HACE1: variants seen among roughly 807,000 people sequenced by gnomAD.
The protein encoded by HACE1 is HECT domain and ankyrin repeat containing E3 ubiquitin protein ligase 1, also known as E3 ubiquitin-protein ligase HACE1.
In HACE1, 73 loss-of-function variants were observed where a neutral mutation model predicts 118.4. The observed-to-expected ratio is 0.62, with a 90% CI of 0.51 to 0.75. The LOEUF is 0.75. HACE1 is among the 30% of genes least tolerant of loss of function. The probability of loss-of-function intolerance (pLI) is 0.00; values close to 1 mark genes in which losing one functional copy is unlikely to be tolerated. For missense variants in HACE1, 749 were observed against 1,102.2 expected, an observed-to-expected ratio of 0.68 and a Z score of 4.54; for synonymous variants, 368 against 374.8, an observed-to-expected ratio of 0.98 and a Z score of 0.21.
At chr6:104,855,060 C>T (rs1776584949) in intron 1 of HACE1, among the ~76,000 whole-genome samples, 1 of 152,158 alleles carries the variant, frequency 6.6e-6, no homozygotes, top group Non-Finnish European at 1.5e-5. Flanking sequence ...GTACTATTAT[C>T]CTCATTTTAC....
At chr6:104,806,331 G>A (rs1227258978) in intron 7 of HACE1, among the ~76,000 whole-genome samples, 3 of 152,068 alleles carry the variant, frequency 2.0e-5, no homozygotes, top group African/African-American at 7.2e-5. Flanking sequence ...GTATGGTGGT[G>A]CACATCTATA....
rs562322308 is a variant in HACE1, at chr6:104,767,749, T to A, written c.2211+3444A>T. ...GATCTACTTGTGGTTTCCCAAAGCA[T>A]GCTCTGTCACCTCTGTGCCTTCCTG... On this transcript the variant is annotated intron_variant, in intron 19 of 23. Transcript: ENST00000262903. Among the ~76,000 whole-genome samples, 3 of 152,340 alleles carry A rather than the reference T, an allele frequency of 2.0e-5. No homozygotes were observed. In the East Asian group the frequency reaches 5.8e-4, roughly 29 times the overall value.
intron 1 of HACE1, among the ~76,000 whole-genome samples, chr6:104,856,966 G>A (rs1030898317): frequency 6.6e-6 from 1 of 151,874 alleles, no homozygotes; most frequent in Non-Finnish European, 1.5e-5. Context: ...TAATTTTAGA[G>A]TACAAGCTGA....
chr6:104,737,953 G>T (rs990967309), intron 22 of HACE1, among the ~76,000 whole-genome samples: 2 of 152,176 alleles, frequency 1.3e-5, no homozygotes, highest in African/African-American at 4.8e-5. Context: ...GGAGAGCAGT[G>T]GTTCTCCCAT....
At chr6:104,745,536 G>C (rs1278673875) in intron 20 of HACE1, among the ~76,000 whole-genome samples, 1 of 148,094 alleles carries the variant, frequency 6.8e-6, no homozygotes, top group African/African-American at 2.5e-5. Flanking sequence ...CACCTCCCGG[G>C]TTCACGCCAT....
chr6:104,859,861 G>A lies in HACE1; in HGVS notation c.-219C>T. 2.0e-6 allele frequency: 1 copy of A among 500,636 alleles called. No individual in the cohort carries two copies. The highest frequency in any genetic ancestry group is 3.5e-6 in the Non-Finnish European group (1 of 285,632). The allele number at this position is 500,636 out of a possible 1,614,324, so 31.0% of individuals were successfully genotyped here. A position where few individuals can be genotyped will look rare whatever the true frequency, so the allele number is the denominator to read the frequency against. ...CTACAGTACACCCGCCGCCGCCTCTGCTCGCGCCTTTCCTGCAGCCCCCGC... is the reference window on the plus strand; with the variant it reads ...CTACAGTACACCCGCCGCCGCCTCTACTCGCGCCTTTCCTGCAGCCCCCGC... On this transcript the variant is annotated 5_prime_UTR_variant, in exon 1 of 24. Coordinates refer to ENST00000262903, the MANE Select transcript of HACE1 (RefSeq NM_020771.4).
intron 5 of HACE1, among the ~76,000 whole-genome samples, chr6:104,839,133 C>G (rs922377403): frequency 1.3e-5 from 2 of 152,122 alleles, no homozygotes; most frequent in African/African-American, 4.8e-5. Flanking sequence ...GAAACAGGAA[C>G]TATCATATGT....
At chr6:104,750,266 C>A in intron 20 of HACE1, 75 bp downstream of exon 20, 1 of 1,229,400 alleles carries the variant, frequency 8.1e-7, no homozygotes, top group Non-Finnish European at 1.2e-6. Context: ...TAATACTCCA[C>A]AATTATTTCT....
chr6:104,801,669 G>C (rs751848467), intron 7 of HACE1, among the ~76,000 whole-genome samples: 9 of 152,162 alleles, frequency 5.9e-5, no homozygotes, highest in Non-Finnish European at 8.8e-5. Flanking sequence ...CAAATGCCGA[G>C]AGATTTTGTC....
At chr6:104,764,107 C>T (rs960016864) in intron 19 of HACE1, among the ~76,000 whole-genome samples, 2 of 152,108 alleles carry the variant, frequency 1.3e-5, no homozygotes, top group African/African-American at 4.8e-5. Flanking sequence ...CAGAGTCTCA[C>T]TCTGTTGCTC....
At chr6:104,750,969 A>G (rs2114566791) in intron 19 of HACE1, among the ~76,000 whole-genome samples, 1 of 152,292 alleles carries the variant, frequency 6.6e-6, no homozygotes, top group South Asian at 2.1e-4. Context: ...AAAACCCTAT[A>G]ATGACTTCTC....
At chr6:104,735,158 T>A (rs1046661178) in intron 22 of HACE1, among the ~76,000 whole-genome samples, 3 of 152,030 alleles carry the variant, frequency 2.0e-5, no homozygotes, top group African/African-American at 4.8e-5. Flanking sequence ...AAATTTAAAT[T>A]ACATGGAAAT....
At chr6:104,820,139 G>T (rs868321170) in intron 6 of HACE1, among the ~76,000 whole-genome samples, 12 of 149,570 alleles carry the variant, frequency 8.0e-5, no homozygotes, top group African/African-American at 2.7e-4. Flanking sequence ...AGTTTGCAGT[G>T]AGCCGAGATT....
chr6:104,772,309 G>A (rs892854146), intron 17 of HACE1, among the ~76,000 whole-genome samples: 3 of 152,114 alleles, frequency 2.0e-5, no homozygotes, highest in South Asian at 2.1e-4. Flanking sequence ...ATGGCAGAGA[G>A]AAAATTTTAG....
At chr6:104,859,357 G>C (rs1346614312) in intron 1 of HACE1, 2 of 520,194 alleles carry the variant, frequency 3.8e-6, no homozygotes, top group Non-Finnish European at 6.7e-6. Flanking sequence ...CACCAACCCA[G>C]TTTCCTCCCG....
intron 19 of HACE1, among the ~76,000 whole-genome samples, chr6:104,756,765 G>A (rs1488240214): frequency 6.6e-6 from 1 of 152,182 alleles, no homozygotes; most frequent in Non-Finnish European, 1.5e-5. Context: ...GAAGCGCAAG[G>A]GGTCAGGGGT....
intron 10 of HACE1, among the ~76,000 whole-genome samples, chr6:104,793,289 A>G (rs994666992): frequency 6.8e-6 from 1 of 147,020 alleles, no homozygotes; most frequent in African/African-American, 2.6e-5. Flanking sequence ...AAAAAAAATT[A>G]ATTTCCTAAC....
intron 2 of HACE1, 22 bp from the exon 3 acceptor site, chr6:104,851,018 G>C (rs1293885243): frequency 1.5e-5 from 21 of 1,387,224 alleles, no homozygotes; most frequent in Non-Finnish European, 2.2e-5. Flanking sequence ...TAAAAATGAG[G>C]AATCAAGTGT....
chr6:104,758,055 A>G (rs1778912512), intron 19 of HACE1, among the ~76,000 whole-genome samples: 1 of 152,208 alleles, frequency 6.6e-6, no homozygotes, highest in South Asian at 2.1e-4. Flanking sequence ...ATGTGAAAAG[A>G]CCAAATATAC....
Sources: gnomAD v4.1 joint callset for allele counts (sites outside exome capture counted in the v4.1 genomes callset) on GRCh38, gnomAD v4.1.1 for gene constraint, MANE v1.5 for transcripts, NCBI Gene and HGNC (gene_info 2026-07-23, HGNC 2026-07-21) for gene names.